The following RALGAPB variants were observed in gnomAD, a reference collection of about 807,000 sequenced individuals.
RALGAPB encodes the protein Ral GTPase activating protein non-catalytic subunit beta.
RALGAPB carries 25 observed loss-of-function variants against 161.1 expected under a neutral mutation model. The observed-to-expected ratio is 0.16, with a 90% CI of 0.11 to 0.22. RALGAPB has a LOEUF of 0.22. Among genes scored for constraint, RALGAPB ranks in the 10% least tolerant of loss-of-function variants. The probability of loss-of-function intolerance (pLI) is 1.00; values close to 1 mark genes in which losing one functional copy is unlikely to be tolerated. For missense variants in RALGAPB, 1,391 were observed against 1,815.2 expected (o/e 0.77, Z 4.25); for synonymous variants, 629 against 626.1 (o/e 1.00, Z -0.07).
At chr20:38,496,691 AGTTTTAAAACTGTT>A (rs2085437423) in intron 3 of RALGAPB, among the ~76,000 whole-genome samples, 1 of 152,168 alleles carries the variant, frequency 6.6e-6, no homozygotes, top group Non-Finnish European at 1.5e-5. Flanking sequence ...TCCTGCGGTG[AGTTTTAAAACTGTT>A]GTTCCGGGGT....
intron 27 of RALGAPB, 113 bp from the exon 28 acceptor site, chr20:38,570,655 AC>A: frequency 1.7e-6 from 1 of 604,834 alleles, no homozygotes; most frequent in South Asian, 2.3e-5. Context: ...TCAGGACAGC[AC>A]AGTCCATATA....
chr20:38,529,176 T>A (rs1792175663), intron 13 of RALGAPB, among the ~76,000 whole-genome samples: 1 of 152,196 alleles, frequency 6.6e-6, no homozygotes, highest in Non-Finnish European at 1.5e-5. Context: ...TACCAGTTGA[T>A]TAACACATAT....
intron 4 of RALGAPB, among the ~76,000 whole-genome samples, chr20:38,499,161 C>T (rs971296252): frequency 6.6e-6 from 1 of 152,106 alleles, no homozygotes; most frequent in Non-Finnish European, 1.5e-5. Context: ...TTTCCTTCTC[C>T]CCTGTGTCCC....
At chr20:38,529,559 G>A (rs2086584382) in intron 13 of RALGAPB, among the ~76,000 whole-genome samples, 2 of 151,568 alleles carry the variant, frequency 1.3e-5, no homozygotes, top group South Asian at 2.1e-4. Context: ...AAGCTTGGGC[G>A]TGGTGGCTCA....
intron 18 of RALGAPB, among the ~76,000 whole-genome samples, chr20:38,543,587 G>T (rs907683736): frequency 6.6e-5 from 10 of 152,240 alleles, no homozygotes; most frequent in Non-Finnish European, 1.3e-4. Context: ...TCCTCAATCT[G>T]GTTTTTAAGG....
intron 1 of RALGAPB, among the ~76,000 whole-genome samples, chr20:38,485,066 A>C (rs2085076297): frequency 6.6e-6 from 1 of 152,220 alleles, no homozygotes; most frequent in Admixed American, 6.5e-5. Flanking sequence ...AGTCTTCCTC[A>C]ATTTATATGA....
At chr20:38,555,913 G>A (rs2087572126) in intron 22 of RALGAPB, among the ~76,000 whole-genome samples, 1 of 152,156 alleles carries the variant, frequency 6.6e-6, no homozygotes. Flanking sequence ...TGAATTAATA[G>A]CATGTTAAGT....
chr20:38,534,138 C>CAA (rs1293283790), intron 15 of RALGAPB, among the ~76,000 whole-genome samples: 8 of 46,704 alleles, frequency 1.7e-4, no homozygotes, highest in African/African-American at 3.0e-4. Context: ...GACTCCATCT[C>CAA]AAAAAAAAAA....
At chr20:38,558,601 A>G in intron 23 of RALGAPB, 148 bp downstream of exon 23, 1 of 644,392 alleles carries the variant, frequency 1.6e-6, no homozygotes, top group Non-Finnish European at 2.4e-6. Flanking sequence ...AGTGCTTCCA[A>G]GAACAAAGGA....
intron 6 of RALGAPB, among the ~76,000 whole-genome samples, chr20:38,515,513 G>T (rs559454682): frequency 6.6e-6 from 1 of 151,946 alleles, no homozygotes; most frequent in Non-Finnish European, 1.5e-5. Context: ...CAAACTGTTT[G>T]TACATAAAAT....
rs189693042 is a variant in RALGAPB, at chr20:38,478,513, C to A, written c.-31+5444C>A. On this transcript the variant is annotated intron_variant, in intron 1 of 29. Transcript: ENST00000262879. ...TCAGCTCACTGCAACCTTCGCCTCC[C>A]AGGTTCAAGCTATTCTCCTGCCTCT... Among the ~76,000 whole-genome samples, 1,172 of 152,276 alleles carry A rather than the reference C, an allele frequency of 7.7e-3. 20 individuals carry two copies. Among genetic ancestry groups the A allele is most frequent in the African/African-American group, 0.026 (1,067 of 41,564 alleles).
chr20:38,509,004 T>C (rs1196810682), intron 5 of RALGAPB, 73 bp from the exon 6 acceptor site: 4 of 1,506,804 alleles, frequency 2.7e-6, no homozygotes, highest in South Asian at 1.2e-5. Flanking sequence ...ATTTTCTCTG[T>C]CTTCTTTCTA....
intron 6 of RALGAPB, among the ~76,000 whole-genome samples, chr20:38,511,796 C>A (rs1010084565): frequency 6.6e-6 from 1 of 152,196 alleles, no homozygotes; most frequent in African/African-American, 2.4e-5. Flanking sequence ...CTTTTCTATT[C>A]GACAAAACCG....
At chr20:38,503,982 C>A (rs2085674160) in intron 5 of RALGAPB, among the ~76,000 whole-genome samples, 1 of 152,122 alleles carries the variant, frequency 6.6e-6, no homozygotes, top group African/African-American at 2.4e-5. Flanking sequence ...GAATCAAAAT[C>A]ATTAAAATGG....
In RALGAPB at chr20:38,562,729, T is replaced by C; in HGVS notation, c.3697+32T>C. ...CTCACAGTGTTTCAAATGTCAGTTG[T>C]TTCTTGTTTGTTAGTCTTGTTTTTT... On this transcript the variant is annotated intron_variant, in intron 24 of 29. Transcript: ENST00000262879. The C allele has an allele frequency of 1.9e-6, 3 of 1,562,798 alleles. No homozygotes were observed. The South Asian group carries it at 3.6e-5, about 19-fold the overall frequency.
rs1412587844 is a variant in RALGAPB at position 38,578,297 on chromosome 20, C to T, written c.*3330C>T. The T allele has an allele frequency of 4.6e-5, 7 of 152,138 alleles. No homozygotes were observed. The highest frequency in any genetic ancestry group is 1.7e-4 in the African/African-American group (7 of 41,428). 9.4% of individuals were successfully genotyped at this position (152,138 alleles called of 1,614,324 possible). A position where few individuals can be genotyped will look rare whatever the true frequency, so the allele number is the denominator to read the frequency against. On this transcript the variant is annotated 3_prime_UTR_variant, in exon 30 of 30. Transcript: ENST00000262879. ...TCTATCCGTACGATGTGGAATCAAA[C>T]GGTGGGTTTCTTAGTAGCTAAAGAA...
intron 9 of RALGAPB, among the ~76,000 whole-genome samples, chr20:38,519,089 A>G (rs944726066): frequency 3.9e-5 from 6 of 152,172 alleles, no homozygotes; most frequent in Non-Finnish European, 8.8e-5. Flanking sequence ...TGTGAATATA[A>G]AGATTTTTGG....
chr20:38,557,058 ACAGT>A (rs2087609600), intron 22 of RALGAPB, among the ~76,000 whole-genome samples: 1 of 152,218 alleles, frequency 6.6e-6, no homozygotes, highest in African/African-American at 2.4e-5. Flanking sequence ...AGTGTGAAAG[ACAGT>A]CATTCTTGCT....
chr20:38,497,591 G>T (rs2085464887), intron 4 of RALGAPB, 75 bp downstream of exon 4: 8 of 1,437,120 alleles, frequency 5.6e-6, no homozygotes, highest in South Asian at 1.4e-5. Context: ...GTGAGCGGTA[G>T]ACTCATTGGG....
Sources: allele counts gnomAD v4.1 joint callset (sites outside exome capture counted in the v4.1 genomes callset), GRCh38; gene constraint gnomAD v4.1.1; transcripts MANE v1.5; gene names NCBI Gene and HGNC (gene_info 2026-07-23, HGNC 2026-07-21).